TRAPPC9: variants seen among roughly 807,000 people sequenced by gnomAD.
TRAPPC9 encodes IKK2 binding protein.
Under a neutral mutation model 124.0 loss-of-function variants are expected in TRAPPC9, and 83 were observed. The ratio of observed to expected loss-of-function variants is 0.67; its 90% CI spans 0.56 to 0.80. The LOEUF (loss-of-function observed/expected upper bound fraction) is 0.80, where lower values mean the gene tolerates loss of function less well. Among genes scored for constraint, TRAPPC9 ranks in the 30% least tolerant of loss-of-function variants. TRAPPC9 has a pLI of 0.00. For missense variants in TRAPPC9, 1,302 were observed against 1,508.3 expected (o/e 0.86, Z 2.27); for synonymous variants, 638 against 617.5 (o/e 1.03, Z -0.49).
At chr8:140,383,824 T>C (rs578173810) in intron 7 of TRAPPC9, among the ~76,000 whole-genome samples, 12 of 152,226 alleles carry the variant, frequency 7.9e-5, no homozygotes, top group Non-Finnish European at 1.3e-4. Flanking sequence ...ACCACAAAGA[T>C]ACTCCTCAAG....
chr8:140,371,270 A>C, intron 7 of TRAPPC9, 90 bp from the exon 8 acceptor site: 5 of 1,253,806 alleles, frequency 4.0e-6, no homozygotes, highest in Non-Finnish European at 5.6e-6. Flanking sequence ...TCATAAAACA[A>C]AGACCTGAGG....
At chr8:140,043,405 C>A (rs1841385376) in intron 17 of TRAPPC9, among the ~76,000 whole-genome samples, 1 of 152,188 alleles carries the variant, frequency 6.6e-6, no homozygotes, top group African/African-American at 2.4e-5. Flanking sequence ...GAAAATGAGG[C>A]TTAAAGAGCA....
intron 18 of TRAPPC9, among the ~76,000 whole-genome samples, chr8:140,008,227 G>A (rs529992536): frequency 6.6e-6 from 1 of 152,252 alleles, no homozygotes. Flanking sequence ...TGAATTGACT[G>A]TGATGGCAAT....
At position 140,348,704 on chromosome 8, in the gene TRAPPC9, T is replaced by C. The variant is rs181031673; in HGVS notation, c.1495+11346A>G. 1.8e-3 allele frequency among the ~76,000 whole-genome samples: 267 copies of C among 152,194 alleles called. 4 individuals are homozygous for C. The highest frequency in any genetic ancestry group is 4.6e-4 in the Non-Finnish European group (31 of 68,012). The stretch of plus-strand genomic sequence containing the variant: ...CTAGCTGTAGGGTGTGGGGCTTCCT[T>C]TGGAGGTGATAAAAATGTTCTAAAA... On this transcript the variant is annotated intron_variant, in intron 9 of 22. Transcript: ENST00000438773.
At chr8:139,993,438 A>G (rs1479029592) in intron 18 of TRAPPC9, among the ~76,000 whole-genome samples, 1 of 152,246 alleles carries the variant, frequency 6.6e-6, no homozygotes, top group East Asian at 1.9e-4. Flanking sequence ...ATAGATCAAC[A>G]GGAAATACGG....
intron 8 of TRAPPC9, among the ~76,000 whole-genome samples, chr8:140,362,026 A>G (rs2067970356): frequency 6.6e-6 from 1 of 152,170 alleles, no homozygotes; most frequent in South Asian, 2.1e-4. Flanking sequence ...TCTGCCCTGC[A>G]CAGCTGACCA....
intron 19 of TRAPPC9, among the ~76,000 whole-genome samples, chr8:139,972,302 T>C (rs534370701): frequency 6.6e-6 from 1 of 152,120 alleles, no homozygotes; most frequent in East Asian, 1.9e-4. Context: ...TGAGGAGGGG[T>C]GAGTCCCAAA....
In TRAPPC9 at chr8:139,730,077, G is replaced by A. The variant is rs1817728270; in HGVS notation, c.*984C>T. Among the ~76,000 whole-genome samples, 1 of 152,138 alleles carries A rather than the reference G, an allele frequency of 6.6e-6. No homozygotes were observed. The highest frequency in any genetic ancestry group is 1.5e-5 in the Non-Finnish European group (1 of 68,026). On this transcript the variant is annotated 3_prime_UTR_variant, in exon 23 of 23. Coordinates refer to ENST00000438773, the MANE Select transcript of TRAPPC9 (RefSeq NM_001160372.4). ...TCCGGTCCTCCCTGAGGAACGCAGG[G>A]CCAGCTGCCCACTGTGGCGGCAGCT...
chr8:140,114,716 G>A (rs1316297560), intron 17 of TRAPPC9, among the ~76,000 whole-genome samples: 2 of 152,170 alleles, frequency 1.3e-5, no homozygotes, highest in Non-Finnish European at 2.9e-5. Context: ...TGGCACGTGA[G>A]GAGGAAGCAT....
intron 8 of TRAPPC9, among the ~76,000 whole-genome samples, chr8:140,365,626 C>T (rs954736379): frequency 3.9e-5 from 6 of 152,228 alleles, no homozygotes; most frequent in Admixed American, 2.0e-4. Context: ...CCCAGCACCC[C>T]GCACAGGCTG....
chr8:139,836,712 C>CA (rs1826381698), intron 21 of TRAPPC9, among the ~76,000 whole-genome samples: 2 of 152,204 alleles, frequency 1.3e-5, no homozygotes, highest in South Asian at 2.1e-4. Context: ...CAAGGCTCCA[C>CA]AAAATCTCAG....
At chr8:140,458,377 CT>C (rs1299090268), upstream of TRAPPC9, 1 of 1,597,784 alleles carries the variant, frequency 6.3e-7, no homozygotes, top group Admixed American at 1.7e-5. Context: ...GCGGCACCCC[CT>C]GTGACCCTCA....
At chr8:139,886,930 A>C (rs1267212941) in intron 20 of TRAPPC9, among the ~76,000 whole-genome samples, 1 of 152,250 alleles carries the variant, frequency 6.6e-6, no homozygotes, top group Non-Finnish European at 1.5e-5. Context: ...AGAATGGAGC[A>C]GAGGCTGAGC....
chr8:140,133,482 C>T (rs1251074684), intron 17 of TRAPPC9, among the ~76,000 whole-genome samples: 1 of 152,216 alleles, frequency 6.6e-6, no homozygotes, highest in Non-Finnish European at 1.5e-5. Context: ...AGACTGAAAG[C>T]TTCCCCTAAG....
At chr8:140,404,741 C>CACAT (rs2069414016) in intron 6 of TRAPPC9, among the ~76,000 whole-genome samples, 3 of 149,606 alleles carry the variant, frequency 2.0e-5, no homozygotes, top group Admixed American at 6.7e-5. Flanking sequence ...TGTGTGCACG[C>CACAT]GTGAGCATGT....
At chr8:140,167,444 A>G (rs1024745677) in intron 17 of TRAPPC9, among the ~76,000 whole-genome samples, 2 of 152,198 alleles carry the variant, frequency 1.3e-5, no homozygotes, top group Non-Finnish European at 2.9e-5. Context: ...ACCCCTTTGA[A>G]TCCTCACAAC....
At chr8:140,056,523 A>G (rs1842296965) in intron 17 of TRAPPC9, among the ~76,000 whole-genome samples, 1 of 152,096 alleles carries the variant, frequency 6.6e-6, no homozygotes, top group South Asian at 2.1e-4. Context: ...TATAAAGTCA[A>G]CTGATCTTCA....
intron 4 of TRAPPC9, among the ~76,000 whole-genome samples, chr8:140,431,372 G>T (rs2070639123): frequency 6.6e-6 from 1 of 151,838 alleles, no homozygotes; most frequent in Non-Finnish European, 1.5e-5. Context: ...CAGGAGAATT[G>T]CTTGAACCCA....
intron 17 of TRAPPC9, among the ~76,000 whole-genome samples, chr8:140,214,714 A>C (rs1256049203): frequency 6.6e-6 from 1 of 152,190 alleles, no homozygotes; most frequent in East Asian, 1.9e-4. Flanking sequence ...CAATTCACAC[A>C]GTCCCTATTT....
Sources: gnomAD v4.1 joint callset for allele counts (sites outside exome capture counted in the v4.1 genomes callset) on GRCh38, gnomAD v4.1.1 for gene constraint, MANE v1.5 for transcripts, NCBI Gene and HGNC (gene_info 2026-07-23, HGNC 2026-07-21) for gene names.